ATP8A2: variants seen among roughly 807,000 people sequenced by gnomAD.
ATP8A2 encodes the protein ATPase phospholipid transporting 8A2.
A neutral mutation model predicts 165.6 loss-of-function variants in ATP8A2; 100 were observed. That is an observed-to-expected ratio of 0.60 (90% CI 0.51 to 0.71). The LOEUF is 0.71. ATP8A2 is among the 30% of genes least tolerant of loss of function. The pLI is 0.00. For synonymous variants in ATP8A2, 543 were observed against 548.8 expected (o/e 0.99, Z 0.15); for missense variants, 1,227 against 1,479.5 (o/e 0.83, Z 2.80).
At chr13:25,611,049 A>C (rs1472237746) in intron 24 of ATP8A2, among the ~76,000 whole-genome samples, 6 of 152,018 alleles carry the variant, frequency 3.9e-5, no homozygotes, top group South Asian at 2.1e-4. Flanking sequence ...TTTTTGGATG[A>C]GTCTTAAGGG....
At chr13:25,397,324 A>G (rs1298873852) in intron 1 of ATP8A2, among the ~76,000 whole-genome samples, 2 of 152,170 alleles carry the variant, frequency 1.3e-5, no homozygotes, top group African/African-American at 2.4e-5. Flanking sequence ...AACCATCAAT[A>G]TACTGATATT....
At chr13:25,462,067 A>G (rs143643234) in intron 1 of ATP8A2, among the ~76,000 whole-genome samples, 1 of 152,378 alleles carries the variant, frequency 6.6e-6, no homozygotes, top group Non-Finnish European at 1.5e-5. Flanking sequence ...TGTTCTATTA[A>G]AGGAGAATCA....
At chr13:25,731,653 T>C (rs1015407400) in intron 25 of ATP8A2, among the ~76,000 whole-genome samples, 4 of 152,224 alleles carry the variant, frequency 2.6e-5, no homozygotes, top group Non-Finnish European at 5.9e-5. Flanking sequence ...AATGTGCCTG[T>C]TGATGTAATC....
chr13:25,893,180 C>T (rs918379667), intron 33 of ATP8A2, among the ~76,000 whole-genome samples: 1 of 148,006 alleles, frequency 6.8e-6, no homozygotes, highest in African/African-American at 2.5e-5. Flanking sequence ...AGGTATATCT[C>T]CTAATGCTAT....
intron 25 of ATP8A2, among the ~76,000 whole-genome samples, chr13:25,767,133 A>G (rs1400342907): frequency 1.3e-5 from 2 of 152,230 alleles, no homozygotes; most frequent in African/African-American, 4.8e-5. Context: ...ATGGGAAATC[A>G]CTTTTGTGTA....
intron 33 of ATP8A2, among the ~76,000 whole-genome samples, chr13:25,942,726 C>A (rs922336894): frequency 6.6e-6 from 1 of 152,166 alleles, no homozygotes; most frequent in Non-Finnish European, 1.5e-5. Context: ...GCCCAGCCAA[C>A]TTATCGATTT....
intron 2 of ATP8A2, among the ~76,000 whole-genome samples, chr13:25,493,916 C>G (rs1213394737): frequency 6.6e-6 from 1 of 151,948 alleles, no homozygotes; most frequent in Non-Finnish European, 1.5e-5. Context: ...TTGATTTGGG[C>G]AAGAAGAAGA....
intron 1 of ATP8A2, among the ~76,000 whole-genome samples, chr13:25,448,386 A>G (rs1297746858): frequency 6.6e-6 from 1 of 152,224 alleles, no homozygotes; most frequent in Non-Finnish European, 1.5e-5. Context: ...TAATTTAAAA[A>G]TACACATAAA....
At chr13:25,415,772 C>T (rs59810254) in intron 1 of ATP8A2, among the ~76,000 whole-genome samples, 3,915 of 152,240 alleles carry the variant, frequency 0.026, 184 homozygotes, top group African/African-American at 0.089. Flanking sequence ...TTCAGAAATG[C>T]CTACTTGGCC....
chr13:25,647,548 G>A (rs2041704493), intron 24 of ATP8A2, among the ~76,000 whole-genome samples: 1 of 152,100 alleles, frequency 6.6e-6, no homozygotes, highest in Non-Finnish European at 1.5e-5. Flanking sequence ...GATTTAGATA[G>A]TTTGATTATT....
intron 1 of ATP8A2, among the ~76,000 whole-genome samples, chr13:25,431,189 G>C (rs1025975350): frequency 6.6e-6 from 1 of 151,888 alleles, no homozygotes; most frequent in African/African-American, 2.4e-5. Context: ...CACTTTTGTT[G>C]CCCAGGCTAG....
intron 22 of ATP8A2, among the ~76,000 whole-genome samples, chr13:25,580,742 C>G (rs1009373186): frequency 1.3e-5 from 2 of 152,138 alleles, no homozygotes; most frequent in Non-Finnish European, 2.9e-5. Flanking sequence ...CTATGTTTCC[C>G]AGGCTGGTCT....
chr13:25,397,238 A>G (rs1350620448), intron 1 of ATP8A2, among the ~76,000 whole-genome samples: 2 of 152,228 alleles, frequency 1.3e-5, no homozygotes, highest in African/African-American at 4.8e-5. Flanking sequence ...CCATGCAGAC[A>G]GTTGTCCTAT....
intron 1 of ATP8A2, among the ~76,000 whole-genome samples, chr13:25,396,684 T>C (rs1386702221): frequency 2.6e-5 from 4 of 152,194 alleles, no homozygotes; most frequent in Admixed American, 6.5e-5. Flanking sequence ...GAACTCTATT[T>C]TGGGGCTGGA....
intron 35 of ATP8A2, among the ~76,000 whole-genome samples, chr13:26,004,414 T>C (rs1027883993): frequency 2.0e-5 from 3 of 151,978 alleles, no homozygotes; most frequent in African/African-American, 7.2e-5. Context: ...TTTGGTGGAG[T>C]CTTTAGGATT....
At chr13:25,716,375 T>C (rs1234659185) in intron 25 of ATP8A2, among the ~76,000 whole-genome samples, 1 of 152,224 alleles carries the variant, frequency 6.6e-6, no homozygotes, top group Non-Finnish European at 1.5e-5. Flanking sequence ...TATGGGGTCA[T>C]ATCTAAGAAG....
At chr13:25,757,762 C>T (rs768319523) in intron 25 of ATP8A2, among the ~76,000 whole-genome samples, 3 of 152,210 alleles carry the variant, frequency 2.0e-5, no homozygotes, top group African/African-American at 4.8e-5. Flanking sequence ...ACCCCCAAAC[C>T]CCTCATTTCT....
intron 24 of ATP8A2, among the ~76,000 whole-genome samples, chr13:25,634,004 C>T (rs1378417480): frequency 6.6e-6 from 1 of 151,716 alleles, no homozygotes; most frequent in Non-Finnish European, 1.5e-5. Flanking sequence ...ATACGGAAAT[C>T]CGACTGCTTC....
At chr13:25,639,508 G>A (rs2041458111) in intron 24 of ATP8A2, among the ~76,000 whole-genome samples, 1 of 152,158 alleles carries the variant, frequency 6.6e-6, no homozygotes, top group Admixed American at 6.5e-5. Context: ...GACAAAGAAG[G>A]CCATTGCATA....
Sources: allele counts gnomAD v4.1 joint callset (sites outside exome capture counted in the v4.1 genomes callset), GRCh38; gene constraint gnomAD v4.1.1; transcripts MANE v1.5; gene names NCBI Gene and HGNC (gene_info 2026-07-23, HGNC 2026-07-21).